The following KCND2 variants were observed in gnomAD, a reference collection of about 807,000 sequenced individuals.
KCND2 encodes the protein potassium voltage-gated channel subfamily D member 2.
A neutral mutation model predicts 54.4 loss-of-function variants in KCND2; 16 were observed. That is an observed-to-expected ratio of 0.29 (90% CI 0.20 to 0.45). The LOEUF (loss-of-function observed/expected upper bound fraction) is 0.45, where lower values mean the gene tolerates loss of function less well. Ranked by LOEUF, KCND2 falls within the 20% of genes least tolerant of loss-of-function variation. The pLI is 1.00. For synonymous variants in KCND2, 317 were observed against 310.7 expected, an observed-to-expected ratio of 1.02 and a Z score of -0.21; for missense variants, 486 against 824.2, an observed-to-expected ratio of 0.59 and a Z score of 5.02.
At chr7:120,595,483 GTATA>G (rs35672951) in intron 1 of KCND2, among the ~76,000 whole-genome samples, 3 of 133,484 alleles carry the variant, frequency 2.2e-5, no homozygotes, top group African/African-American at 8.3e-5. Context: ...ATATATATGT[GTATA>G]TATATATATA....
At chr7:120,548,103 G>A (rs1260697634) in intron 1 of KCND2, among the ~76,000 whole-genome samples, 1 of 152,062 alleles carries the variant, frequency 6.6e-6, no homozygotes, top group Non-Finnish European at 1.5e-5. Flanking sequence ...TCTCTAGCCA[G>A]TAACTAAATG....
intron 1 of KCND2, among the ~76,000 whole-genome samples, chr7:120,552,871 G>A (rs148310227): frequency 1.0e-3 from 153 of 152,226 alleles, no homozygotes; most frequent in African/African-American, 3.4e-3. Context: ...TTTGTCTATA[G>A]TTTTTAAAAC....
At chr7:120,541,238 A>G (rs567733519) in intron 1 of KCND2, among the ~76,000 whole-genome samples, 1 of 152,302 alleles carries the variant, frequency 6.6e-6, no homozygotes, top group Non-Finnish European at 1.5e-5. Context: ...ACTTAAATAG[A>G]TGGAAGAGAG....
chr7:120,409,031 C>T (rs1801408302), intron 1 of KCND2, among the ~76,000 whole-genome samples: 1 of 151,912 alleles, frequency 6.6e-6, no homozygotes, highest in Non-Finnish European at 1.5e-5. Flanking sequence ...AGAGCAAATG[C>T]ACATGCTGCT....
At chr7:120,592,306 T>C (rs1792681964) in intron 1 of KCND2, among the ~76,000 whole-genome samples, 1 of 152,158 alleles carries the variant, frequency 6.6e-6, no homozygotes, top group African/African-American at 2.4e-5. Flanking sequence ...CCCAGCACTT[T>C]GGGAGGTGGA....
At chr7:120,443,555 T>C (rs1801974537) in intron 1 of KCND2, among the ~76,000 whole-genome samples, 1 of 151,952 alleles carries the variant, frequency 6.6e-6, no homozygotes, top group Non-Finnish European at 1.5e-5. Context: ...CCAATCATCT[T>C]ATGAATGAAT....
At chr7:120,565,326 A>G (rs1293717955) in intron 1 of KCND2, among the ~76,000 whole-genome samples, 1 of 152,182 alleles carries the variant, frequency 6.6e-6, no homozygotes, top group Non-Finnish European at 1.5e-5. Flanking sequence ...TAAAAAGTAT[A>G]ATTGTATTGT....
At chr7:120,535,388 A>G (rs2116370846) in intron 1 of KCND2, among the ~76,000 whole-genome samples, 1 of 152,246 alleles carries the variant, frequency 6.6e-6, no homozygotes, top group South Asian at 2.1e-4. Flanking sequence ...TATCTTACAG[A>G]CCCTTATTTA....
At chr7:120,496,771 T>C (rs1413671846) in intron 1 of KCND2, among the ~76,000 whole-genome samples, 1 of 152,150 alleles carries the variant, frequency 6.6e-6, no homozygotes, top group Non-Finnish European at 1.5e-5. Flanking sequence ...GCCTTTCTCT[T>C]TTCCAAATCT....
chr7:120,595,579 A>ATG (rs1158348551), intron 1 of KCND2, among the ~76,000 whole-genome samples: 5 of 78,960 alleles, frequency 6.3e-5, no homozygotes, highest in East Asian at 2.5e-4. Flanking sequence ...GTGTATATAT[A>ATG]TGTGTGTGTG....
At chr7:120,313,612 C>T (rs1264600875) in intron 1 of KCND2, among the ~76,000 whole-genome samples, 1 of 151,916 alleles carries the variant, frequency 6.6e-6, no homozygotes, top group African/African-American at 2.4e-5. Context: ...GTAGTAGCAG[C>T]TGGGGCTGTG....
At chr7:120,573,586 T>C (rs1792392173) in intron 1 of KCND2, among the ~76,000 whole-genome samples, 1 of 152,220 alleles carries the variant, frequency 6.6e-6, no homozygotes. Flanking sequence ...TTTAACATTT[T>C]TCATAACAAG....
intron 1 of KCND2, among the ~76,000 whole-genome samples, chr7:120,506,448 T>A (rs1411481408): frequency 6.6e-6 from 1 of 151,832 alleles, no homozygotes; most frequent in East Asian, 1.9e-4. Flanking sequence ...GTTTTGTGCA[T>A]TTTTACTCTA....
At chr7:120,561,391 A>T (rs1584828775) in intron 1 of KCND2, among the ~76,000 whole-genome samples, 1 of 152,154 alleles carries the variant, frequency 6.6e-6, no homozygotes, top group African/African-American at 2.4e-5. Context: ...ATAATAATTT[A>T]CATATACTAT....
intron 1 of KCND2, among the ~76,000 whole-genome samples, chr7:120,658,069 A>G (rs1195244116): frequency 6.6e-6 from 1 of 152,216 alleles, no homozygotes; most frequent in Non-Finnish European, 1.5e-5. Context: ...ATGCTAGTTA[A>G]CCTAGTAATT....
Position 120,280,664 on chromosome 7 carries a change from C to T in KCND2, c.1115+4917C>T, listed in dbSNP as rs569667376. On this transcript the variant is annotated intron_variant, in intron 1 of 5. Transcript: ENST00000331113. ...TCCTAGTGGAAGAAAAGTGACCCAT[C>T]ATTTATTTAAAATTAATAATTTTGT... Among the ~76,000 whole-genome samples the T allele has an allele frequency of 4.6e-5, 7 of 150,984 alleles. No individual in the cohort carries two copies. The South Asian group carries it at 1.5e-3, about 31-fold the overall frequency.
intron 1 of KCND2, among the ~76,000 whole-genome samples, chr7:120,591,655 A>C (rs927490443): frequency 1.3e-5 from 2 of 152,194 alleles, no homozygotes; most frequent in Non-Finnish European, 2.9e-5. Context: ...AGAGCTCTCA[A>C]GCAATATAAA....
chr7:120,466,781 A>G (rs1365628489), intron 1 of KCND2, among the ~76,000 whole-genome samples: 4 of 152,178 alleles, frequency 2.6e-5, no homozygotes, highest in Non-Finnish European at 4.4e-5. Context: ...GTCTGAAATG[A>G]GTCTTATGCG....
At chr7:120,314,258 G>A (rs1407792345) in intron 1 of KCND2, among the ~76,000 whole-genome samples, 4 of 151,568 alleles carry the variant, frequency 2.6e-5, no homozygotes, top group Admixed American at 6.6e-5. Flanking sequence ...CATTGAACCC[G>A]GGAGGTGGAG....
Sources: allele counts gnomAD v4.1 joint callset (sites outside exome capture counted in the v4.1 genomes callset), GRCh38; gene constraint gnomAD v4.1.1; transcripts MANE v1.5; gene names NCBI Gene and HGNC (gene_info 2026-07-23, HGNC 2026-07-21).